CERS6: variants seen among roughly 807,000 people sequenced by gnomAD.
The protein encoded by CERS6 is ceramide synthase 6.
A neutral mutation model predicts 56.8 loss-of-function variants in CERS6; 26 were observed. The ratio of observed to expected loss-of-function variants is 0.46; its 90% CI spans 0.34 to 0.63. The LOEUF (loss-of-function observed/expected upper bound fraction) is 0.63, where lower values mean the gene tolerates loss of function less well. Ranked by LOEUF, CERS6 falls within the 30% of genes least tolerant of loss-of-function variation. CERS6 has a pLI of 0.01. For synonymous variants in CERS6, 164 were observed against 173.3 expected (o/e 0.95, Z 0.42); for missense variants, 415 against 467.5 (o/e 0.89, Z 1.04).
chr2:168,755,589 T>C (rs1339349942), intron 8 of CERS6, among the ~76,000 whole-genome samples: 2 of 152,332 alleles, frequency 1.3e-5, no homozygotes, highest in East Asian at 3.9e-4. Flanking sequence ...CATAGGTTGC[T>C]ATTTAAATTG....
At chr2:168,724,461 C>A (rs916439074) in intron 8 of CERS6, among the ~76,000 whole-genome samples, 2 of 152,054 alleles carry the variant, frequency 1.3e-5, no homozygotes, top group Non-Finnish European at 2.9e-5. Flanking sequence ...TCTTATCTGG[C>A]CCCACCCACA....
chr2:168,669,988 AG>A (rs1303463891), intron 4 of CERS6, among the ~76,000 whole-genome samples: 1 of 152,244 alleles, frequency 6.6e-6, no homozygotes, highest in African/African-American at 2.4e-5. Flanking sequence ...TTATACTATC[AG>A]TATACTCCAT....
chr2:168,476,754 G>A (rs2105329227), intron 1 of CERS6, among the ~76,000 whole-genome samples: 1 of 152,198 alleles, frequency 6.6e-6, no homozygotes, highest in African/African-American at 2.4e-5. Flanking sequence ...AGGAGAGACA[G>A]GAAATCCTTT....
At chr2:168,657,689 GT>G (rs1488555694) in intron 4 of CERS6, among the ~76,000 whole-genome samples, 1 of 152,234 alleles carries the variant, frequency 6.6e-6, no homozygotes, top group Non-Finnish European at 1.5e-5. Context: ...CGGGTGCTAA[GT>G]CCCCCATTGC....
chr2:168,566,506 C>T (rs17809316), intron 3 of CERS6, among the ~76,000 whole-genome samples: 9,531 of 152,256 alleles, frequency 0.063, 421 homozygotes, highest in Non-Finnish European at 0.093. Flanking sequence ...CCATTGAACA[C>T]GAGCTAATTC....
At chr2:168,673,295 T>C (rs16855677) in intron 4 of CERS6, among the ~76,000 whole-genome samples, 5,822 of 152,280 alleles carry the variant, frequency 0.038, 264 homozygotes, top group African/African-American at 0.11. Context: ...TTGCACAAAA[T>C]GAGCTTTTTA....
intron 1 of CERS6, among the ~76,000 whole-genome samples, chr2:168,531,218 G>C: frequency 6.6e-6 from 1 of 152,082 alleles, no homozygotes; most frequent in African/African-American, 2.4e-5. Context: ...AAGAGGAAAT[G>C]GGTTTACATT....
chr2:168,680,781 G>A (rs1305609145), intron 4 of CERS6, among the ~76,000 whole-genome samples: 1 of 152,194 alleles, frequency 6.6e-6, no homozygotes, highest in Non-Finnish European at 1.5e-5. Context: ...ACCCTCACAA[G>A]ACCAAATGCC....
chr2:168,588,478 G>A (rs535056666), intron 3 of CERS6, among the ~76,000 whole-genome samples: 87 of 152,064 alleles, frequency 5.7e-4, no homozygotes, highest in Non-Finnish European at 1.0e-3. Context: ...TTTAATGACC[G>A]TAAGTACTTT....
chr2:168,630,882 G>A (rs1684699044), intron 3 of CERS6, 103 bp from the exon 4 acceptor site: 2 of 519,040 alleles, frequency 3.9e-6, no homozygotes, highest in Admixed American at 3.7e-5. Flanking sequence ...GAGGTAGGGG[G>A]ACAAATTTAA....
chr2:168,682,848 AC>A (rs1686254266), intron 4 of CERS6, among the ~76,000 whole-genome samples: 1 of 152,142 alleles, frequency 6.6e-6, no homozygotes, highest in African/African-American at 2.4e-5. Context: ...TGTCTATCTT[AC>A]TTTCTCCAAA....
At chr2:168,743,429 A>C (rs977957247) in intron 8 of CERS6, among the ~76,000 whole-genome samples, 8 of 152,104 alleles carry the variant, frequency 5.3e-5, no homozygotes, top group Non-Finnish European at 1.2e-4. Flanking sequence ...GAGCCTAGGC[A>C]TTCAAGACCA....
chr2:168,467,372 A>C (rs1693899826), intron 1 of CERS6, among the ~76,000 whole-genome samples: 1 of 152,222 alleles, frequency 6.6e-6, no homozygotes, highest in Admixed American at 6.5e-5. Context: ...AAAAACTGAG[A>C]ATGAAGCAAT....
At chr2:168,690,842 A>AC (rs1686481167) in intron 4 of CERS6, among the ~76,000 whole-genome samples, 192 bp from the exon 5 acceptor site, 2 of 152,186 alleles carry the variant, frequency 1.3e-5, no homozygotes, top group African/African-American at 4.8e-5. Context: ...AGTTTAACTT[A>AC]CCAAGAGAGA....
At chr2:168,571,280 G>C (rs540337950) in intron 3 of CERS6, among the ~76,000 whole-genome samples, 40 of 151,892 alleles carry the variant, frequency 2.6e-4, no homozygotes, top group African/African-American at 9.7e-4. Flanking sequence ...ATTTCCTCCT[G>C]GCTATTCGCC....
At chr2:168,603,097 A>G (rs1683973294) in intron 3 of CERS6, among the ~76,000 whole-genome samples, 1 of 152,214 alleles carries the variant, frequency 6.6e-6, no homozygotes, top group Non-Finnish European at 1.5e-5. Context: ...TGATTTCTTT[A>G]TTACTCAGTT....
chr2:168,566,145 T>A (rs1156343057), intron 3 of CERS6, among the ~76,000 whole-genome samples: 1 of 152,224 alleles, frequency 6.6e-6, no homozygotes, highest in East Asian at 1.9e-4. Flanking sequence ...GCAGTACATT[T>A]CATAGCACAG....
intron 3 of CERS6, among the ~76,000 whole-genome samples, chr2:168,626,052 C>T (rs1684583462): frequency 6.6e-6 from 1 of 152,114 alleles, no homozygotes; most frequent in South Asian, 2.1e-4. Context: ...TGGAACCAAA[C>T]AGCCTAGTTT....
At chr2:168,681,155 A>G (rs1686205294) in intron 4 of CERS6, among the ~76,000 whole-genome samples, 1 of 152,244 alleles carries the variant, frequency 6.6e-6, no homozygotes, top group Admixed American at 6.5e-5. Context: ...GTAGTAAGGA[A>G]GGGACTGATG....
Sources: gnomAD v4.1 joint callset for allele counts (sites outside exome capture counted in the v4.1 genomes callset) on GRCh38, gnomAD v4.1.1 for gene constraint, MANE v1.5 for transcripts, NCBI Gene and HGNC (gene_info 2026-07-23, HGNC 2026-07-21) for gene names.